The following DEPDC5 variants were observed in gnomAD, a reference collection of about 807,000 sequenced individuals.
DEPDC5 encodes the protein GATOR1 complex protein DEPDC5.
Under a neutral mutation model 217.3 loss-of-function variants are expected in DEPDC5, and 73 were observed. That is an observed-to-expected ratio of 0.34 (90% CI 0.28 to 0.41). DEPDC5 has a LOEUF of 0.41. Ranked by LOEUF, DEPDC5 falls within the 10% of genes least tolerant of loss-of-function variation. The pLI is 1.00. For synonymous variants in DEPDC5, 733 were observed against 756.7 expected, an observed-to-expected ratio of 0.97 and a Z score of 0.51; for missense variants, 1,675 against 2,070.1, an observed-to-expected ratio of 0.81 and a Z score of 3.70.
intron 26 of DEPDC5, 197 bp downstream of exon 26, chr22:31,837,352 C>CT (rs763885915): frequency 0.018 from 9,786 of 532,298 alleles, 5 homozygotes; most frequent in Middle Eastern, 0.023. Context: ...TTTTTTTTTC[C>CT]TTTTTTTTTT....
At chr22:31,770,791 C>CTTTTT (rs1156973076) in intron 7 of DEPDC5, among the ~76,000 whole-genome samples, 2 of 120,118 alleles carry the variant, frequency 1.7e-5, no homozygotes, top group Non-Finnish European at 3.4e-5. Flanking sequence ...ATCTACTTTT[C>CTTTTT]TTTTTTTTTT....
intron 37 of DEPDC5, 33 bp downstream of exon 37, chr22:31,876,298 G>A: frequency 6.4e-7 from 1 of 1,574,032 alleles, no homozygotes; most frequent in Non-Finnish European, 8.7e-7. Flanking sequence ...TTGCCCACAG[G>A]GGCAAGTGTT....
rs1032250112 is a variant in DEPDC5 at position 31,819,765 on chromosome 22, C to T, written c.1870+540C>T. 2.0e-5 allele frequency among the ~76,000 whole-genome samples: 3 copies of T among 152,090 alleles called. No individual in the cohort carries two copies. In the East Asian group the frequency reaches 5.8e-4, roughly 29 times the overall value. On this transcript the variant is annotated intron_variant, in intron 22 of 42. Coordinates refer to ENST00000651528, the MANE Select transcript of DEPDC5 (RefSeq NM_001242896.3). ...GATTATAGATGTGAGCCACCGCATC[C>T]GGCCCTTTGTTTCTATTTGAGAGGA...
At chr22:31,806,078 A>T in intron 17 of DEPDC5, 44 bp from the exon 18 acceptor site, 1 of 1,563,336 alleles carries the variant, frequency 6.4e-7, no homozygotes, top group Non-Finnish European at 8.8e-7. Flanking sequence ...GAGTTTTAAA[A>T]TAAAGGGAAT....
intron 40 of DEPDC5, among the ~76,000 whole-genome samples, 166 bp from the exon 41 acceptor site, chr22:31,901,576 C>T (rs1475364886): frequency 6.6e-6 from 1 of 152,058 alleles, no homozygotes; most frequent in East Asian, 1.9e-4. Flanking sequence ...TTTCTTTGAC[C>T]CTTGGGATGG....
At chr22:31,767,649 C>T (rs2082936908) in intron 6 of DEPDC5, among the ~76,000 whole-genome samples, 1 of 151,870 alleles carries the variant, frequency 6.6e-6, no homozygotes, top group Non-Finnish European at 1.5e-5. Context: ...CCAGGCTGGT[C>T]TTGAACTCCT....
chr22:31,805,301 C>T (rs1304024869), intron 17 of DEPDC5, among the ~76,000 whole-genome samples: 1 of 152,138 alleles, frequency 6.6e-6, no homozygotes, highest in African/African-American at 2.4e-5. Flanking sequence ...ATCCCTCTGC[C>T]AGTGCCAGTG....
chr22:31,905,845 C>G, intron 41 of DEPDC5, 139 bp from the exon 42 acceptor site: 1 of 728,068 alleles, frequency 1.4e-6, no homozygotes, highest in Non-Finnish European at 2.2e-6. Context: ...AAATAAGCAG[C>G]CTGCATGTGC....
At position 31,893,886 on chromosome 22, in the gene DEPDC5, C is replaced by T. The variant is rs1029535568; in HGVS notation, c.4203+135C>T. On this transcript the variant is annotated intron_variant, in intron 39 of 42. Transcript: ENST00000651528. Reference sequence around the variant, plus strand: ...CCATTCATCGGGACTATTGGAGTAACCTTTTTAAAAAATTTAAACATAGTA... The same window carrying T: ...CCATTCATCGGGACTATTGGAGTAATCTTTTTAAAAAATTTAAACATAGTA... 3 of 1,039,830 alleles carry T rather than the reference C, an allele frequency of 2.9e-6. No individual in the cohort carries two copies. The African/African-American group carries it at 5.0e-5, about 17-fold the overall frequency. 64.4% of individuals were successfully genotyped at this position (1,039,830 alleles called of 1,614,324 possible).
chr22:31,758,794 C>T (rs1422846616), intron 3 of DEPDC5, among the ~76,000 whole-genome samples, 161 bp downstream of exon 3: 3 of 151,792 alleles, frequency 2.0e-5, no homozygotes, highest in Non-Finnish European at 2.9e-5. Flanking sequence ...CATTTGAGCC[C>T]GGGAGTTCGA....
At chr22:31,776,225 C>A (rs2083837008) in intron 7 of DEPDC5, among the ~76,000 whole-genome samples, 1 of 151,786 alleles carries the variant, frequency 6.6e-6, no homozygotes, top group African/African-American at 2.4e-5. Context: ...GATCCTCCTA[C>A]CTCAGCCTCC....
chr22:31,819,627 C>CCTGG (rs1020003709), intron 22 of DEPDC5, among the ~76,000 whole-genome samples: 1 of 151,892 alleles, frequency 6.6e-6, no homozygotes, highest in Non-Finnish European at 1.5e-5. Flanking sequence ...TGCCACCAGG[C>CCTGG]CTGGCTAGTT....
intron 21 of DEPDC5, chr22:31,816,910 C>T (rs1473095633): frequency 6.5e-6 from 1 of 153,536 alleles, no homozygotes; most frequent in Non-Finnish European, 1.5e-5. Flanking sequence ...GCTCAATGAC[C>T]AGAGGATCTG....
chr22:31,781,141 G>A lies in DEPDC5; in HGVS notation c.484-2766G>A, dbSNP rs561161823. 6.1e-4 allele frequency among the ~76,000 whole-genome samples: 93 copies of A among 151,732 alleles called. 1 individual carries two copies. The highest frequency in any genetic ancestry group is 2.1e-3 in the African/African-American group (87 of 41,356). Reference sequence around the variant, plus strand: ...TGAGGCAAGAGAATCTCTTGAACCCGGGAGGCAGAGGTTGCGGTGAACCAA... The same window carrying A: ...TGAGGCAAGAGAATCTCTTGAACCCAGGAGGCAGAGGTTGCGGTGAACCAA... On this transcript the variant is annotated intron_variant, in intron 8 of 42. Transcript: ENST00000651528.
chr22:31,765,646 T>G (rs1052239899), intron 5 of DEPDC5, among the ~76,000 whole-genome samples: 23 of 152,150 alleles, frequency 1.5e-4, no homozygotes, highest in Admixed American at 1.4e-3. Flanking sequence ...TAGTTCCAAC[T>G]ACGTGAAAGG....
intron 25 of DEPDC5, chr22:31,836,753 T>C: frequency 1.9e-6 from 1 of 513,018 alleles, no homozygotes; most frequent in Non-Finnish European, 3.4e-6. Context: ...CCCATTTGCA[T>C]GATGGGATTG....
chr22:31,769,461 C>T (rs1366834280), intron 7 of DEPDC5: 1 of 151,910 alleles, frequency 6.6e-6, no homozygotes, highest in Non-Finnish European at 1.5e-5. Context: ...ATCATACTTT[C>T]TCATTTTACA....
At chr22:31,865,091 G>A (rs954757775) in intron 33 of DEPDC5, among the ~76,000 whole-genome samples, 2 of 152,092 alleles carry the variant, frequency 1.3e-5, no homozygotes, top group Non-Finnish European at 2.9e-5. Flanking sequence ...CTCCCAAAGT[G>A]CTGGGATTAC....
chr22:31,891,171 A>G, intron 38 of DEPDC5: 1 of 527,282 alleles, frequency 1.9e-6, no homozygotes, highest in Non-Finnish European at 3.6e-6. Flanking sequence ...CTCCTTCTTT[A>G]AACTGTCAAG....
Sources: allele counts gnomAD v4.1 joint callset (sites outside exome capture counted in the v4.1 genomes callset), GRCh38; gene constraint gnomAD v4.1.1; transcripts MANE v1.5; gene names NCBI Gene and HGNC (gene_info 2026-07-23, HGNC 2026-07-21).